TMEM132D: variants seen among roughly 807,000 people sequenced by gnomAD.
TMEM132D encodes the protein transmembrane protein 132D.
Under a neutral mutation model 62.3 loss-of-function variants are expected in TMEM132D, and 21 were observed. The ratio of observed to expected loss-of-function variants is 0.34; its 90% confidence interval spans 0.24 to 0.49. The LOEUF (loss-of-function observed/expected upper bound fraction) is 0.49, where lower values mean the gene tolerates loss of function less well. Among genes scored for constraint, TMEM132D ranks in the 20% least tolerant of loss-of-function variants. The pLI, the probability that TMEM132D is intolerant of heterozygous loss-of-function variation, is 0.99. For missense variants in TMEM132D, 1,346 were observed against 1,402.8 expected (o/e 0.96, Z 0.65); for synonymous variants, 621 against 575.6 (o/e 1.08, Z -1.13).
chr12:129,646,456 C>G (rs1879780073), intron 2 of TMEM132D, among the ~76,000 whole-genome samples: 4 of 152,092 alleles, frequency 2.6e-5, no homozygotes, highest in Admixed American at 2.6e-4. Context: ...AGGGTATCTC[C>G]CACATAGGCT....
At chr12:129,095,320 C>T (rs1414497462) in intron 5 of TMEM132D, among the ~76,000 whole-genome samples, 5 of 151,056 alleles carry the variant, frequency 3.3e-5, no homozygotes, top group Non-Finnish European at 7.4e-5. Flanking sequence ...CTAACATAGG[C>T]CCCTAACACC....
chr12:129,293,787 G>A (rs573666131), intron 4 of TMEM132D, among the ~76,000 whole-genome samples: 2 of 152,258 alleles, frequency 1.3e-5, no homozygotes, highest in South Asian at 2.1e-4. Context: ...GTAGTAATGC[G>A]AGCCATGGGG....
intron 4 of TMEM132D, among the ~76,000 whole-genome samples, chr12:129,301,252 G>A (rs1469552059): frequency 2.0e-5 from 3 of 152,038 alleles, no homozygotes; most frequent in South Asian, 2.1e-4. Flanking sequence ...GTTAATGCTC[G>A]ACTTCTTCCA....
chr12:129,087,393 T>C (rs1384510738), intron 5 of TMEM132D, among the ~76,000 whole-genome samples: 2 of 151,620 alleles, frequency 1.3e-5, no homozygotes, highest in African/African-American at 2.4e-5. Context: ...ACTTAGGTTG[T>C]TTCCAAATCT....
chr12:129,674,652 G>A (rs529137505), intron 2 of TMEM132D, among the ~76,000 whole-genome samples: 53 of 152,132 alleles, frequency 3.5e-4, no homozygotes, highest in Admixed American at 3.3e-4. Context: ...CAATTCTCCC[G>A]CCTCAGCCTC....
At chr12:129,673,557 C>T (rs1880556888) in intron 2 of TMEM132D, among the ~76,000 whole-genome samples, 1 of 152,082 alleles carries the variant, frequency 6.6e-6, no homozygotes, top group African/African-American at 2.4e-5. Flanking sequence ...AAAAACTAGC[C>T]CCCATTCTCC....
intron 5 of TMEM132D, among the ~76,000 whole-genome samples, chr12:129,107,286 TTAG>T (rs1875531987): frequency 6.6e-6 from 1 of 152,330 alleles, no homozygotes; most frequent in African/African-American, 2.4e-5. Flanking sequence ...AGCTCCCCTT[TTAG>T]AACACTGAAA....
chr12:129,380,555 CGTTGT>C (rs1258956808), intron 3 of TMEM132D, among the ~76,000 whole-genome samples: 1 of 94,764 alleles, frequency 1.1e-5, no homozygotes, highest in Non-Finnish European at 2.5e-5. Context: ...TACTTGCAGA[CGTTGT>C]GTGTGTGTGC....
chr12:129,549,546 C>T (rs1370072060), intron 2 of TMEM132D, among the ~76,000 whole-genome samples: 1 of 152,190 alleles, frequency 6.6e-6, no homozygotes, highest in Non-Finnish European at 1.5e-5. Context: ...GCCTTTACTC[C>T]TCCTTTGCCT....
At chr12:129,373,495 G>A (rs561093260) in intron 3 of TMEM132D, among the ~76,000 whole-genome samples, 25 of 152,216 alleles carry the variant, frequency 1.6e-4, no homozygotes, top group African/African-American at 5.5e-4. Flanking sequence ...AGCCAGGCTC[G>A]GTGGCGGGCG....
intron 1 of TMEM132D, among the ~76,000 whole-genome samples, chr12:129,828,883 A>G (rs1263981632): frequency 6.6e-6 from 1 of 150,484 alleles, no homozygotes; most frequent in Non-Finnish European, 1.5e-5. Context: ...CAAGAGAGAA[A>G]CAGGCAAAAT....
At chr12:129,183,112 G>A (rs142992949) in intron 5 of TMEM132D, among the ~76,000 whole-genome samples, 2 of 152,286 alleles carry the variant, frequency 1.3e-5, no homozygotes, top group African/African-American at 4.8e-5. Context: ...GTTGCATTAC[G>A]TGTGTTCATA....
At chr12:129,428,470 T>G (rs1448508915) in intron 3 of TMEM132D, among the ~76,000 whole-genome samples, 1 of 152,234 alleles carries the variant, frequency 6.6e-6, no homozygotes, top group African/African-American at 2.4e-5. Context: ...ATGTGACACA[T>G]GTTAAAGAAT....
intron 1 of TMEM132D, among the ~76,000 whole-genome samples, chr12:129,899,252 CACGGATGG>C (rs1341183299): frequency 0.061 from 7,282 of 119,800 alleles, 285 homozygotes; most frequent in Middle Eastern, 0.24. Flanking sequence ...TGGATGGATG[CACGGATGG>C]ATGGATGGAT....
chr12:129,608,972 G>T (rs180925009), intron 2 of TMEM132D, among the ~76,000 whole-genome samples: 26 of 144,194 alleles, frequency 1.8e-4, no homozygotes, highest in African/African-American at 5.3e-4. Flanking sequence ...ATGGAGTCTC[G>T]CTCTGTCACC....
intron 2 of TMEM132D, among the ~76,000 whole-genome samples, chr12:129,695,996 T>A (rs984607204): frequency 1.3e-5 from 2 of 152,216 alleles, no homozygotes; most frequent in Non-Finnish European, 2.9e-5. Flanking sequence ...CCAGGGCACA[T>A]TTTACCTGAA....
At chr12:129,104,075 C>T (rs1315541691) in intron 5 of TMEM132D, among the ~76,000 whole-genome samples, 1 of 150,582 alleles carries the variant, frequency 6.6e-6, no homozygotes, top group Non-Finnish European at 1.5e-5. Flanking sequence ...AAAGAGCCTG[C>T]ATCGCCAAGT....
intron 1 of TMEM132D, among the ~76,000 whole-genome samples, chr12:129,740,526 GC>G (rs1443707602): frequency 6.6e-6 from 1 of 152,128 alleles, no homozygotes; most frequent in Non-Finnish European, 1.5e-5. Context: ...TATCTGACTA[GC>G]TGTGGAAATT....
At chr12:129,303,227 G>A (rs113173827) in intron 4 of TMEM132D, among the ~76,000 whole-genome samples, 2 of 40,560 alleles carry the variant, frequency 4.9e-5, no homozygotes, top group Admixed American at 2.6e-4. Flanking sequence ...ATCATCACTC[G>A]CCGGGACTCT....
Sources: allele counts gnomAD v4.1 joint callset (sites outside exome capture counted in the v4.1 genomes callset), GRCh38; gene constraint gnomAD v4.1.1; transcripts MANE v1.5; gene names NCBI Gene and HGNC (gene_info 2026-07-23, HGNC 2026-07-21).